Variants in FAR2 observed in about 807,000 individuals in gnomAD.
FAR2 encodes the protein epididymis secretory protein Li 81.
FAR2 carries 19 observed loss-of-function variants against 56.0 expected under a neutral mutation model. The ratio of observed to expected loss-of-function variants is 0.34; its 90% CI spans 0.24 to 0.50. FAR2 has a LOEUF of 0.50. FAR2 is among the 20% of genes least tolerant of loss of function. The pLI is 0.98. For synonymous variants in FAR2, 219 were observed against 218.8 expected (o/e 1.00, Z -0.01); for missense variants, 508 against 642.2 (o/e 0.79, Z 2.26).
At chr12:29,157,109 TA>T (rs1949734856) in intron 1 of FAR2, 19 of 64,098 alleles carry the variant, frequency 3.0e-4, no homozygotes, top group South Asian at 4.9e-4. Context: ...GAACATTTTA[TA>T]TATATATATA....
At chr12:29,299,898 C>G (rs907533745) in intron 4 of FAR2, among the ~76,000 whole-genome samples, 6 of 152,230 alleles carry the variant, frequency 3.9e-5, no homozygotes, top group Non-Finnish European at 7.3e-5. Flanking sequence ...GGCTTAGGCA[C>G]CCTTCCCAAG....
chr12:29,223,818 A>G (rs1170189672), intron 1 of FAR2: 3 of 152,128 alleles, frequency 2.0e-5, no homozygotes, highest in Non-Finnish European at 4.4e-5. Context: ...AGTAATTTAA[A>G]TTTTTCTGCT....
chr12:29,215,410 T>G (rs1202214597), intron 1 of FAR2, among the ~76,000 whole-genome samples: 1 of 152,236 alleles, frequency 6.6e-6, no homozygotes, highest in Non-Finnish European at 1.5e-5. Flanking sequence ...ATTGATGTTA[T>G]GTTTGGTCTG....
intron 1 of FAR2, among the ~76,000 whole-genome samples, chr12:29,191,540 A>G (rs1472691926): frequency 6.6e-6 from 1 of 152,246 alleles, no homozygotes. Flanking sequence ...GTGTGTAAAG[A>G]CACTAAAAAC....
intron 1 of FAR2, among the ~76,000 whole-genome samples, chr12:29,164,575 G>A (rs1457349224): frequency 6.6e-6 from 1 of 152,078 alleles, no homozygotes; most frequent in Admixed American, 6.6e-5. Flanking sequence ...TGGACACCCC[G>A]GCTGGCCCTG....
chr12:29,244,653 C>A (rs1481689412), intron 1 of FAR2, among the ~76,000 whole-genome samples: 1 of 152,158 alleles, frequency 6.6e-6, no homozygotes, highest in African/African-American at 2.4e-5. Flanking sequence ...TGAGAGCTTC[C>A]CAGGCACTAG....
Position 29,332,594 on chromosome 12 carries a change from T to C in FAR2, c.1258-6T>C, listed in dbSNP as rs532032490. ...CTGGCAATCTATAATCTCTCTTGCC[T>C]CTCAGGTATTCAACTTTGACGTGCG... is the stretch of plus-strand genomic sequence containing the variant. On this transcript the variant is annotated splice_polypyrimidine_tract_variant and splice_region_variant and intron_variant, in intron 10 of 11. Coordinates refer to ENST00000536681, the MANE Select transcript of FAR2 (RefSeq NM_001271783.2). The C allele has an allele frequency of 1.2e-6, 2 of 1,613,564 alleles. No homozygotes were observed. Among genetic ancestry groups the C allele is most frequent in the African/African-American group, 2.7e-5 (2 of 75,010 alleles).
intron 1 of FAR2, among the ~76,000 whole-genome samples, chr12:29,233,772 C>A (rs377754231): frequency 2.0e-4 from 31 of 152,264 alleles, no homozygotes; most frequent in East Asian, 1.9e-3. Flanking sequence ...AATAAACAAA[C>A]CTCCTCTGGC....
chr12:29,310,752 G>T (rs752579800), intron 6 of FAR2, among the ~76,000 whole-genome samples: 1 of 152,088 alleles, frequency 6.6e-6, no homozygotes, highest in Admixed American at 6.6e-5. Flanking sequence ...TTTGTTAATT[G>T]AGTTTATTAA....
At chr12:29,312,335 T>C (rs1251908436) in intron 8 of FAR2, among the ~76,000 whole-genome samples, 9 of 152,176 alleles carry the variant, frequency 5.9e-5, no homozygotes, top group African/African-American at 2.2e-4. Context: ...GAATGCGACA[T>C]CATCAATGAC....
At chr12:29,209,902 C>G (rs1470007709) in intron 1 of FAR2, among the ~76,000 whole-genome samples, 1 of 152,130 alleles carries the variant, frequency 6.6e-6, no homozygotes, top group Non-Finnish European at 1.5e-5. Flanking sequence ...TTCATCTCAT[C>G]AGCATCATAA....
At chr12:29,240,810 T>TA (rs1948018854) in intron 1 of FAR2, among the ~76,000 whole-genome samples, 1 of 150,438 alleles carries the variant, frequency 6.6e-6, no homozygotes, top group Non-Finnish European at 1.5e-5. Flanking sequence ...TATTTTTTTT[T>TA]ATATATTTTT....
chr12:29,277,068 C>G lies in FAR2; in HGVS notation c.189+6430C>G, dbSNP rs552159620. Among the ~76,000 whole-genome samples, 9 of 152,318 alleles carry G rather than the reference C, an allele frequency of 5.9e-5. No individual in the cohort carries two copies. The East Asian group carries it at 7.7e-4, about 13-fold the overall frequency. ...TCTCAGCTCACTGCAACCTCTGCCA[C>G]CTGGGTTCAAGCGATTCTCCTGCCT... On this transcript the variant is annotated intron_variant, in intron 2 of 11. Transcript: ENST00000536681.
chr12:29,153,546 A>G (rs1196424121), intron 1 of FAR2, among the ~76,000 whole-genome samples: 1 of 152,182 alleles, frequency 6.6e-6, no homozygotes, highest in African/African-American at 2.4e-5. Flanking sequence ...AGGTGTTGAT[A>G]AAGATCTTGA....
At chr12:29,200,490 G>T (rs1193143546) in intron 1 of FAR2, among the ~76,000 whole-genome samples, 1 of 152,124 alleles carries the variant, frequency 6.6e-6, no homozygotes, top group African/African-American at 2.4e-5. Flanking sequence ...AATTTGGGAT[G>T]CTCTCTCTCT....
At chr12:29,213,495 G>T (rs1278686823) in intron 1 of FAR2, among the ~76,000 whole-genome samples, 1 of 152,084 alleles carries the variant, frequency 6.6e-6, no homozygotes. Flanking sequence ...TTTGAGACCA[G>T]CCTGGTCAAC....
chr12:29,170,671 T>G (rs1949876587), intron 1 of FAR2, among the ~76,000 whole-genome samples: 1 of 152,014 alleles, frequency 6.6e-6, no homozygotes, highest in Admixed American at 6.5e-5. Context: ...CTCCCTCTTT[T>G]TCTCTGTCTC....
At chr12:29,303,452 T>C (rs1949208095) in intron 4 of FAR2, among the ~76,000 whole-genome samples, 1 of 152,196 alleles carries the variant, frequency 6.6e-6, no homozygotes, top group Non-Finnish European at 1.5e-5. Flanking sequence ...AAGTTCCTAG[T>C]AGATCTGTAC....
intron 1 of FAR2, among the ~76,000 whole-genome samples, chr12:29,252,969 G>A (rs1473615630): frequency 6.6e-6 from 1 of 152,014 alleles, no homozygotes; most frequent in Non-Finnish European, 1.5e-5. Context: ...ATGTGGGTGG[G>A]CCTCATCCAA....
Sources: gnomAD v4.1 joint callset for allele counts (sites outside exome capture counted in the v4.1 genomes callset) on GRCh38, gnomAD v4.1.1 for gene constraint, MANE v1.5 for transcripts, NCBI Gene and HGNC (gene_info 2026-07-23, HGNC 2026-07-21) for gene names.